The following EPHA5 variants were observed in gnomAD, a reference collection of about 807,000 sequenced individuals.
EPHA5 encodes the protein EPH receptor A5, also known as ephrin type-A receptor 5.
Under a neutral mutation model 105.0 loss-of-function variants are expected in EPHA5, and 60 were observed. The ratio of observed to expected loss-of-function variants is 0.57; its 90% confidence interval spans 0.46 to 0.71. The LOEUF (loss-of-function observed/expected upper bound fraction) is 0.71. Among genes scored for constraint, EPHA5 ranks in the 30% least tolerant of loss-of-function variants. The pLI is 0.00. For missense variants in EPHA5, 1,218 were observed against 1,274.7 expected, an observed-to-expected ratio of 0.96 and a Z score of 0.68; for synonymous variants, 513 against 449.1, an observed-to-expected ratio of 1.14 and a Z score of -1.80.
chr4:65,528,490 T>A (rs902036710), intron 3 of EPHA5, among the ~76,000 whole-genome samples: 1 of 152,156 alleles, frequency 6.6e-6, no homozygotes, highest in Non-Finnish European at 1.5e-5. Context: ...TTTTCCCTGT[T>A]GCTTAAAAAA....
chr4:65,554,578 T>C (rs1379661289), intron 3 of EPHA5, among the ~76,000 whole-genome samples: 1 of 151,634 alleles, frequency 6.6e-6, no homozygotes, highest in Admixed American at 6.6e-5. Context: ...ATGTGGATTT[T>C]ATTTATATTG....
intron 11 of EPHA5, among the ~76,000 whole-genome samples, chr4:65,356,783 A>T (rs1041885293): frequency 6.6e-6 from 1 of 151,502 alleles, no homozygotes; most frequent in Admixed American, 6.6e-5. Flanking sequence ...AATGCTAATT[A>T]CATTTAGTTT....
At chr4:65,517,000 G>T (rs147171931) in intron 3 of EPHA5, among the ~76,000 whole-genome samples, 2 of 152,156 alleles carry the variant, frequency 1.3e-5, no homozygotes, top group Non-Finnish European at 2.9e-5. Context: ...TTATAATATT[G>T]CTCAGATCTA....
chr4:65,529,140 C>T (rs1437391474), intron 3 of EPHA5, among the ~76,000 whole-genome samples: 10 of 151,936 alleles, frequency 6.6e-5, no homozygotes, highest in Admixed American at 1.3e-4. Context: ...ACATAATAAA[C>T]GCAATTCAAA....
chr4:65,528,336 T>C (rs560374135), intron 3 of EPHA5, among the ~76,000 whole-genome samples: 2 of 152,244 alleles, frequency 1.3e-5, no homozygotes, highest in African/African-American at 2.4e-5. Flanking sequence ...TTAATTTAAG[T>C]AATATTTTTT....
intron 5 of EPHA5, among the ~76,000 whole-genome samples, chr4:65,453,678 C>T (rs1727283817): frequency 6.6e-6 from 1 of 152,116 alleles, no homozygotes. Context: ...ACATGCTCCC[C>T]CGACCAGTGC....
At chr4:65,352,624 T>C (rs1560442988) in intron 12 of EPHA5, among the ~76,000 whole-genome samples, 1 of 151,992 alleles carries the variant, frequency 6.6e-6, no homozygotes, top group Non-Finnish European at 1.5e-5. Flanking sequence ...ACTTGACACC[T>C]TTATTAATGA....
chr4:65,505,543 T>G (rs540381937), intron 3 of EPHA5, among the ~76,000 whole-genome samples: 1 of 152,096 alleles, frequency 6.6e-6, no homozygotes, highest in Non-Finnish European at 1.5e-5. Context: ...CACCTTATTT[T>G]ACCATGCCTT....
chr4:65,439,454 A>G (rs925582568), intron 5 of EPHA5, among the ~76,000 whole-genome samples: 4 of 119,326 alleles, frequency 3.4e-5, no homozygotes, highest in Non-Finnish European at 6.8e-5. Context: ...GCTGCCCCAT[A>G]CCCTGCTTTG....
intron 2 of EPHA5, among the ~76,000 whole-genome samples, chr4:65,632,890 T>C (rs768402426): frequency 2.0e-5 from 3 of 152,052 alleles, no homozygotes; most frequent in Non-Finnish European, 4.4e-5. Context: ...ATGGATTTTA[T>C]GGAGAGTAAG....
intron 3 of EPHA5, among the ~76,000 whole-genome samples, chr4:65,514,899 A>G (rs1230125219): frequency 6.6e-6 from 1 of 152,120 alleles, no homozygotes; most frequent in Non-Finnish European, 1.5e-5. Context: ...CTCAACTCCA[A>G]TAATCATCCT....
chr4:65,636,952 G>T (rs1408411452), intron 2 of EPHA5, among the ~76,000 whole-genome samples: 1 of 151,998 alleles, frequency 6.6e-6, no homozygotes, highest in Non-Finnish European at 1.5e-5. Context: ...AATATTTGTT[G>T]AATGAATAAA....
At chr4:65,420,671 A>C in intron 5 of EPHA5, 106 bp from the exon 6 acceptor site, 1 of 1,065,630 alleles carries the variant, frequency 9.4e-7, no homozygotes, top group Middle Eastern at 2.9e-4. Context: ...GCAATATAAA[A>C]AAAATCCCAA....
At chr4:65,443,976 G>A (rs575498948) in intron 5 of EPHA5, among the ~76,000 whole-genome samples, 12 of 152,108 alleles carry the variant, frequency 7.9e-5, no homozygotes, top group Middle Eastern at 6.8e-3. Context: ...ACACATCTAT[G>A]TGTGCAAGTT....
intron 8 of EPHA5, among the ~76,000 whole-genome samples, chr4:65,380,154 C>T (rs1719414807): frequency 6.6e-6 from 1 of 151,750 alleles, no homozygotes; most frequent in Non-Finnish European, 1.5e-5. Context: ...CAGTCTACAT[C>T]TGTATTCCCA....
At chr4:65,568,499 T>C (rs1281038075) in intron 3 of EPHA5, among the ~76,000 whole-genome samples, 2 of 151,314 alleles carry the variant, frequency 1.3e-5, no homozygotes, top group Admixed American at 6.6e-5. Context: ...AAATGTGCAA[T>C]ATAATATTAA....
At chr4:65,348,259 C>G (rs1722412460) in intron 13 of EPHA5, 56 bp from the exon 14 acceptor site, 40 of 1,496,068 alleles carry the variant, frequency 2.7e-5, no homozygotes, top group Non-Finnish European at 3.4e-5. Flanking sequence ...TGCCTAGGGA[C>G]AGTGTTGCCT....
At chr4:65,473,127 C>T (rs1274546030) in intron 5 of EPHA5, among the ~76,000 whole-genome samples, 3 of 152,170 alleles carry the variant, frequency 2.0e-5, no homozygotes, top group Non-Finnish European at 4.4e-5. Flanking sequence ...AGGTCCTCAT[C>T]TCCATCTGTG....
chr4:65,548,756 T>C (rs562610264), intron 3 of EPHA5, among the ~76,000 whole-genome samples: 24 of 152,206 alleles, frequency 1.6e-4, no homozygotes, highest in African/African-American at 5.8e-4. Context: ...ATAGAGCAAG[T>C]TTCTGTCTGC....
Sources: allele counts gnomAD v4.1 joint callset (sites outside exome capture counted in the v4.1 genomes callset), GRCh38; gene constraint gnomAD v4.1.1; transcripts MANE v1.5; gene names NCBI Gene and HGNC (gene_info 2026-07-23, HGNC 2026-07-21).